EDIL3: variants seen among roughly 807,000 people sequenced by gnomAD.
The protein encoded by EDIL3 is EGF like and discoidin domains 3.
In EDIL3, 37 loss-of-function variants were observed where a neutral mutation model predicts 67.4. The observed-to-expected ratio is 0.55, with a 90% CI of 0.42 to 0.72. The LOEUF is 0.72. Ranked by LOEUF, EDIL3 falls within the 30% of genes least tolerant of loss-of-function variation. EDIL3 has a pLI of 0.00. For synonymous variants in EDIL3, 195 were observed against 196.3 expected (o/e 0.99, Z 0.05); for missense variants, 527 against 586.3 (o/e 0.90, Z 1.04).
intron 5 of EDIL3, among the ~76,000 whole-genome samples, chr5:84,133,863 T>G (rs1368623491): frequency 6.6e-6 from 1 of 151,974 alleles, no homozygotes; most frequent in Non-Finnish European, 1.5e-5. Context: ...ATTGTATGAA[T>G]CACATCTAGA....
chr5:84,014,948 A>C (rs1745574966), intron 9 of EDIL3, among the ~76,000 whole-genome samples: 1 of 152,210 alleles, frequency 6.6e-6, no homozygotes, highest in Admixed American at 6.5e-5. Flanking sequence ...AGCACATAGA[A>C]ACAAAAGAAG....
chr5:84,003,534 T>G (rs1332996341), intron 9 of EDIL3, among the ~76,000 whole-genome samples: 1 of 152,160 alleles, frequency 6.6e-6, no homozygotes, highest in Admixed American at 6.6e-5. Flanking sequence ...AAACAAATTC[T>G]AAGCAAGAAT....
intron 5 of EDIL3, among the ~76,000 whole-genome samples, chr5:84,135,817 T>G (rs906250107): frequency 2.0e-5 from 3 of 152,152 alleles, no homozygotes; most frequent in Non-Finnish European, 2.9e-5. Flanking sequence ...ACTTTAAGCT[T>G]AGAAAGTTTT....
At chr5:84,311,761 C>T (rs1441984237) in intron 1 of EDIL3, among the ~76,000 whole-genome samples, 2 of 152,080 alleles carry the variant, frequency 1.3e-5, no homozygotes, top group African/African-American at 4.8e-5. Flanking sequence ...GGTGATGACT[C>T]TTAACGAGCA....
intron 9 of EDIL3, among the ~76,000 whole-genome samples, chr5:84,052,659 C>T (rs945439160): frequency 3.3e-5 from 5 of 152,124 alleles, no homozygotes; most frequent in Admixed American, 1.3e-4. Context: ...GGTTGCAATC[C>T]TAGTCTCTGA....
chr5:84,110,140 C>T (rs527480490), intron 5 of EDIL3, among the ~76,000 whole-genome samples: 1 of 152,242 alleles, frequency 6.6e-6, no homozygotes, highest in Non-Finnish European at 1.5e-5. Context: ...AATAAATATG[C>T]ACTGAACGTT....
intron 2 of EDIL3, among the ~76,000 whole-genome samples, chr5:84,251,545 C>G (rs1015214100): frequency 6.6e-6 from 1 of 151,910 alleles, no homozygotes; most frequent in African/African-American, 2.4e-5. Flanking sequence ...GCATTACTAC[C>G]AAGTATTACT....
At chr5:84,151,264 T>TACACACACACACACACAC (rs201338208) in intron 4 of EDIL3, among the ~76,000 whole-genome samples, 1 of 129,502 alleles carries the variant, frequency 7.7e-6, no homozygotes, top group African/African-American at 3.0e-5. Context: ...CACACGCACA[T>TACACACACACACACACAC]ACACACACAC....
intron 6 of EDIL3, among the ~76,000 whole-genome samples, chr5:84,098,440 T>C (rs1304323936): frequency 1.3e-5 from 2 of 152,158 alleles, no homozygotes; most frequent in Non-Finnish European, 2.9e-5. Flanking sequence ...GGTATATCAT[T>C]TGATTTCACA....
At chr5:83,991,084 G>A (rs1745143098) in intron 9 of EDIL3, among the ~76,000 whole-genome samples, 1 of 152,076 alleles carries the variant, frequency 6.6e-6, no homozygotes, top group Non-Finnish European at 1.5e-5. Context: ...GTAATTTCAA[G>A]TTATGCTGTA....
At chr5:84,006,374 AAAAC>A in intron 9 of EDIL3, among the ~76,000 whole-genome samples, 1 of 152,002 alleles carries the variant, frequency 6.6e-6, no homozygotes, top group Admixed American at 6.6e-5. Context: ...AAAACAAAAC[AAAAC>A]AAAACAAAAC....
chr5:83,978,689 G>T (rs1270035406), intron 9 of EDIL3, among the ~76,000 whole-genome samples: 1 of 151,898 alleles, frequency 6.6e-6, no homozygotes, highest in Non-Finnish European at 1.5e-5. Flanking sequence ...ACAGAAACAG[G>T]GTCATCTGAA....
intron 1 of EDIL3, among the ~76,000 whole-genome samples, chr5:84,255,204 C>T (rs1234253436): frequency 1.3e-5 from 2 of 150,520 alleles, no homozygotes; most frequent in African/African-American, 4.8e-5. Context: ...TCTAAACTCC[C>T]AACTCTCAAA....
chr5:83,995,660 C>T (rs752827654), intron 9 of EDIL3, among the ~76,000 whole-genome samples: 1 of 152,090 alleles, frequency 6.6e-6, no homozygotes, highest in Non-Finnish European at 1.5e-5. Context: ...TTTTAATGGT[C>T]AGTGAATTTG....
At chr5:84,229,533 A>T (rs3733959) in intron 3 of EDIL3, among the ~76,000 whole-genome samples, 13,067 of 151,366 alleles carry the variant, frequency 0.086, 823 homozygotes, top group East Asian at 0.35. Context: ...CATTCTCCTC[A>T]CTGTATTATT....
chr5:83,968,810 C>T (rs1054926094), intron 9 of EDIL3, among the ~76,000 whole-genome samples: 1 of 151,858 alleles, frequency 6.6e-6, no homozygotes, highest in Non-Finnish European at 1.5e-5. Flanking sequence ...GCAAGTAGTT[C>T]AACTGCACGT....
chr5:84,021,448 T>C (rs1745711774), intron 9 of EDIL3, among the ~76,000 whole-genome samples: 1 of 152,072 alleles, frequency 6.6e-6, no homozygotes. Flanking sequence ...CCATCTTAAT[T>C]TCTTCATTGA....
rs144955247 is a variant in EDIL3 at position 83,977,577 on chromosome 5, C to A, written c.1138-14217G>T. Among the ~76,000 whole-genome samples, 1,179 of 151,840 alleles carry A rather than the reference C, an allele frequency of 7.8e-3. 14 individuals carry two copies. The highest frequency in any genetic ancestry group is 0.027 in the African/African-American group (1,107 of 41,520). On this transcript the variant is annotated intron_variant, in intron 9 of 10. Transcript: ENST00000296591. ...CAATATCTTTAATTATAAGTCTATT[C>A]AAGATTCCTTTTCTTTTTCCCTTGC...
At chr5:84,026,151 T>G (rs762467357) in intron 9 of EDIL3, among the ~76,000 whole-genome samples, 26 of 152,198 alleles carry the variant, frequency 1.7e-4, no homozygotes, top group South Asian at 4.1e-4. Flanking sequence ...CACTAAAGGA[T>G]GTACTGACTC....
Sources: allele counts gnomAD v4.1 joint callset (sites outside exome capture counted in the v4.1 genomes callset), GRCh38; gene constraint gnomAD v4.1.1; transcripts MANE v1.5; gene names NCBI Gene and HGNC (gene_info 2026-07-23, HGNC 2026-07-21).